Variants in ZBTB20 observed in about 807,000 individuals in gnomAD.
The protein encoded by ZBTB20 is zinc finger and BTB domain containing 20.
Under a neutral mutation model 56.9 loss-of-function variants are expected in ZBTB20, and 9 were observed. The observed-to-expected ratio is 0.16, with a 90% CI of 0.10 to 0.28. ZBTB20 has a LOEUF of 0.28. Among genes scored for constraint, ZBTB20 ranks in the 10% least tolerant of loss-of-function variants. The pLI is 1.00. For synonymous variants in ZBTB20, 417 were observed against 420.7 expected (o/e 0.99, Z 0.11); for missense variants, 655 against 1,003.0 (o/e 0.65, Z 4.69).
At chr3:115,011,025 A>G (rs909353912) in intron 2 of ZBTB20, among the ~76,000 whole-genome samples, 1 of 151,930 alleles carries the variant, frequency 6.6e-6, no homozygotes, top group Admixed American at 6.6e-5. Context: ...AATGTCTCAG[A>G]GTCCTTTAAC....
intron 6 of ZBTB20, among the ~76,000 whole-genome samples, chr3:114,604,575 A>G (rs78193288): frequency 0.017 from 2,519 of 152,178 alleles, 36 homozygotes; most frequent in Middle Eastern, 0.068. Flanking sequence ...ATATTAAAGT[A>G]AAAATGAGAA....
At chr3:114,581,067 T>G (rs1355330600) in intron 6 of ZBTB20, among the ~76,000 whole-genome samples, 1 of 152,034 alleles carries the variant, frequency 6.6e-6, no homozygotes, top group Non-Finnish European at 1.5e-5. Flanking sequence ...AATTAAGGGT[T>G]ATGGTGTTAG....
At chr3:114,433,251 C>T (rs1040231596) in intron 7 of ZBTB20, among the ~76,000 whole-genome samples, 8 of 152,108 alleles carry the variant, frequency 5.3e-5, no homozygotes, top group African/African-American at 1.7e-4. Flanking sequence ...AATGAAATCC[C>T]AGGATATCTG....
At chr3:114,871,569 C>T (rs770244225) in intron 4 of ZBTB20, among the ~76,000 whole-genome samples, 11 of 152,118 alleles carry the variant, frequency 7.2e-5, no homozygotes, top group Non-Finnish European at 1.2e-4. Context: ...GGATCCAAAG[C>T]ATCCGGAATA....
rs1560313178 is a variant in ZBTB20, at chr3:114,844,536, A to AC, written c.-416-43363_-416-43362insG. 7.2e-5 allele frequency among the ~76,000 whole-genome samples: 10 copies of AC among 139,488 alleles called. 2 individuals carry two copies. The highest frequency in any genetic ancestry group is 5.1e-4 in the Admixed American group (7 of 13,704). 91.5% of individuals were successfully genotyped at this position (139,488 alleles called of 152,430 possible). A position where few individuals can be genotyped will look rare whatever the true frequency, so the allele number is the denominator to read the frequency against. On this transcript the variant is annotated intron_variant, in intron 4 of 11. Transcript: ENST00000675478. ...TCCCTGTCTCAAAAAAAAAAAAAAA[A>AC]AAAAAAAAAAAAAAAACTTTCATTT...
intron 6 of ZBTB20, among the ~76,000 whole-genome samples, chr3:114,609,174 G>A (rs2057374148): frequency 6.6e-6 from 1 of 152,198 alleles, no homozygotes; most frequent in Non-Finnish European, 1.5e-5. Flanking sequence ...ACTTCTGGGT[G>A]TCTTTCAGTT....
At chr3:114,799,415 C>T (rs554102544) in intron 5 of ZBTB20, among the ~76,000 whole-genome samples, 8 of 151,956 alleles carry the variant, frequency 5.3e-5, no homozygotes, top group African/African-American at 1.9e-4. Context: ...ATGGATACCT[C>T]GTATGATATG....
chr3:114,511,479 ACAAG>A (rs201768779), intron 6 of ZBTB20, among the ~76,000 whole-genome samples: 1 of 151,280 alleles, frequency 6.6e-6, no homozygotes, highest in African/African-American at 2.4e-5. Context: ...TCTCATTCTT[ACAAG>A]TAAGTGTAGC....
intron 6 of ZBTB20, among the ~76,000 whole-genome samples, chr3:114,652,283 G>A (rs1487498579): frequency 1.3e-5 from 2 of 151,896 alleles, no homozygotes; most frequent in African/African-American, 4.8e-5. Flanking sequence ...ATACTCTTGT[G>A]TCCTGGCTCT....
chr3:115,008,962 T>C (rs191463555), intron 2 of ZBTB20, among the ~76,000 whole-genome samples: 24 of 152,060 alleles, frequency 1.6e-4, no homozygotes, highest in Admixed American at 1.4e-3. Flanking sequence ...TATTATCTAA[T>C]TTGTAAAACC....
At chr3:114,448,608 A>C (rs563232056) in intron 7 of ZBTB20, among the ~76,000 whole-genome samples, 1 of 152,188 alleles carries the variant, frequency 6.6e-6, no homozygotes, top group Non-Finnish European at 1.5e-5. Context: ...TACTCTTTCT[A>C]GATTGGGAAA....
chr3:114,585,987 G>C (rs2055141146), intron 6 of ZBTB20, among the ~76,000 whole-genome samples: 1 of 152,180 alleles, frequency 6.6e-6, no homozygotes, highest in Non-Finnish European at 1.5e-5. Context: ...ATCGGGCTCT[G>C]TGAAAGAAAT....
chr3:114,725,774 T>C (rs908693009), intron 5 of ZBTB20, among the ~76,000 whole-genome samples: 2 of 152,180 alleles, frequency 1.3e-5, no homozygotes, highest in Non-Finnish European at 2.9e-5. Flanking sequence ...CTAATTGCAG[T>C]TGAACATAAA....
intron 6 of ZBTB20, among the ~76,000 whole-genome samples, chr3:114,578,016 A>T (rs1224939720): frequency 6.6e-6 from 1 of 152,230 alleles, no homozygotes; most frequent in Non-Finnish European, 1.5e-5. Flanking sequence ...TTATGAAATT[A>T]TCTGACAATG....
intron 7 of ZBTB20, among the ~76,000 whole-genome samples, chr3:114,460,317 C>T (rs2092272486): frequency 1.3e-5 from 2 of 152,086 alleles, no homozygotes; most frequent in African/African-American, 4.8e-5. Flanking sequence ...TATCCATGTC[C>T]TAATCCCCAG....
chr3:115,132,237 C>G (rs912151282), intron 1 of ZBTB20, among the ~76,000 whole-genome samples: 1 of 151,866 alleles, frequency 6.6e-6, no homozygotes, highest in Non-Finnish European at 1.5e-5. Context: ...GTTCCTGTAC[C>G]TTTCTTGAAA....
At chr3:114,682,743 G>A (rs1442493798) in intron 6 of ZBTB20, among the ~76,000 whole-genome samples, 5 of 152,066 alleles carry the variant, frequency 3.3e-5, no homozygotes, top group Admixed American at 6.5e-5. Flanking sequence ...GTGATAGACC[G>A]GATTACTTTC....
chr3:114,638,742 T>C (rs2059405694), intron 6 of ZBTB20, among the ~76,000 whole-genome samples: 1 of 152,028 alleles, frequency 6.6e-6, no homozygotes, highest in Admixed American at 6.6e-5. Context: ...AATAAAAAAT[T>C]ATATGACAAA....
chr3:114,986,618 T>C (rs2078555481), intron 2 of ZBTB20, among the ~76,000 whole-genome samples: 1 of 152,112 alleles, frequency 6.6e-6, no homozygotes, highest in African/African-American at 2.4e-5. Context: ...CCTCAAAATC[T>C]TTTAGGTCTT....
Sources: gnomAD v4.1 joint callset for allele counts (sites outside exome capture counted in the v4.1 genomes callset) on GRCh38, gnomAD v4.1.1 for gene constraint, MANE v1.5 for transcripts, NCBI Gene and HGNC (gene_info 2026-07-23, HGNC 2026-07-21) for gene names.